Variants in TNPO2 observed in about 807,000 individuals in gnomAD.
The protein encoded by TNPO2 is transportin-2.
A neutral mutation model predicts 111.1 loss-of-function variants in TNPO2; 16 were observed. The observed-to-expected ratio is 0.14, with a 90% confidence interval of 0.10 to 0.22. The LOEUF is 0.22. TNPO2 is among the 10% of genes least tolerant of loss of function. The pLI, the probability that TNPO2 is intolerant of heterozygous loss-of-function variation, is 1.00. For synonymous variants in TNPO2, 481 were observed against 475.8 expected, an observed-to-expected ratio of 1.01 and a Z score of -0.14; for missense variants, 530 against 1,173.7, an observed-to-expected ratio of 0.45 and a Z score of 8.01.
intron 13 of TNPO2, among the ~76,000 whole-genome samples, chr19:12,709,642 GTTTTTTTTTT>G (rs78853226): frequency 7.3e-5 from 9 of 122,916 alleles, no homozygotes; most frequent in South Asian, 2.6e-4. Flanking sequence ...ATTTTATCAG[GTTTTTTTTTT>G]TTTTTTTTTT....
chr19:12,721,577 T>G lies in TNPO2; in HGVS notation c.-13-587A>C, dbSNP rs1235597754. 3.6e-6 allele frequency: 1 copy of G among 278,076 alleles called. No homozygotes were observed. Among genetic ancestry groups the G allele is most frequent in the Non-Finnish European group, 7.1e-6 (1 of 141,346 alleles). The allele number at this position is 278,076 out of a possible 1,614,324, so 17.2% of individuals were successfully genotyped here. A position where few individuals can be genotyped will look rare whatever the true frequency, so the allele number is the denominator to read the frequency against. On this transcript the variant is annotated intron_variant, in intron 2 of 25. Transcript: ENST00000425528. This position sits in a 1 kb window ranked among gnomAD's most constrained non-coding sequence, Gnocchi z 4.9. ...CCTGATCTCTCCTGTCCCCTGTTCC[T>G]GCCCTTCAAGCTCAGTGGATGCCAG...
At position 12,702,931 on chromosome 19, in the gene TNPO2, C is replaced by G. The variant is rs1325510957; in HGVS notation, c.2210-13G>C. 6.2e-7 allele frequency: 1 copy of G among 1,612,738 alleles called. No individual in the cohort carries two copies. The highest frequency in any genetic ancestry group is 8.5e-7 in the Non-Finnish European group (1 of 1,179,020). ...TGCATCTCTGCCCCTGGGGGAGCACCCAGTCAGAGCCCTGCACAGCCCCCG... is the reference window on the plus strand; with the variant it reads ...TGCATCTCTGCCCCTGGGGGAGCACGCAGTCAGAGCCCTGCACAGCCCCCG... On this transcript the variant is annotated splice_polypyrimidine_tract_variant and intron_variant, in intron 20 of 25. Transcript: ENST00000425528. The surrounding 1 kb of genome is among the most constrained non-coding windows in gnomAD (Gnocchi z 5.5).
rs571643667 is a variant in TNPO2 at position 12,700,944 on chromosome 19, G to C, written c.*320C>G. 4.9e-6 allele frequency: 1 copy of C among 204,144 alleles called. No individual in the cohort carries two copies. The highest frequency in any genetic ancestry group is 5.2e-5 in the Admixed American group (1 of 19,070). 12.6% of individuals were successfully genotyped at this position (204,144 alleles called of 1,614,324 possible). ...TCCGAAGCCGGATTCGGTCAGCTGT[G>C]TAATTCCTCCCTCCCACGTAGCTGG... is the stretch of plus-strand genomic sequence containing the variant. On this transcript the variant is annotated 3_prime_UTR_variant, in exon 26 of 26. Coordinates refer to ENST00000425528, the MANE Select transcript of TNPO2 (RefSeq NM_001382241.1).
chr19:12,714,833 G>A lies in TNPO2; in HGVS notation c.878C>T (p.Ser293Phe). ...EQPICKEVLA[S>F]HLVQLIPILV... ...CAGCAGCACTCACTGGACCAGATGG[G>A]AGGCCAGGACTTCCTTGCAGATGGG... Residue 293 changes from serine (S) to phenylalanine (F), a missense_variant, in exon 10 of 26, where the codon TCC becomes TTC. Physicochemically the swap from Ser to Phe is radical, Grantham distance 155. This residue lies in a region of TNPO2 where 156 missense variants were observed against 405.8 expected (regional missense o/e 0.38). Coordinates refer to ENST00000425528, the MANE Select transcript of TNPO2 (RefSeq NM_001382241.1). 6.2e-7 allele frequency: 1 copy of A among 1,613,768 alleles called. No individual in the cohort carries two copies. The highest frequency in any genetic ancestry group is 8.5e-7 in the Non-Finnish European group (1 of 1,179,730).
chr19:12,722,561 TAAAAAAAAAAAAA>T (rs751028490), intron 2 of TNPO2: 1 of 40,908 alleles, frequency 2.4e-5, no homozygotes, highest in Admixed American at 2.9e-4. Flanking sequence ...GAGAGAGAAT[TAAAAAAAAAAAAA>T]AAAAAAAAAA....
At position 12,702,774 on chromosome 19, in the gene TNPO2, C is replaced by A. The variant is rs764322824; in HGVS notation, c.2305+49G>T. The A allele has an allele frequency of 1.9e-6, 3 of 1,566,898 alleles. No individual in the cohort carries two copies. The highest frequency in any genetic ancestry group is 2.6e-6 in the Non-Finnish European group (3 of 1,138,462). The stretch of plus-strand genomic sequence containing the variant: ...TGCCCTTCCCAGCCCAGAACCCCAC[C>A]TCCAGAAGGCAGGCAGGGGTGCAGG... On this transcript the variant is annotated intron_variant, in intron 21 of 25. Transcript: ENST00000425528. The surrounding 1 kb of genome is among the most constrained non-coding windows in gnomAD (Gnocchi z 5.5).
In TNPO2 at chr19:12,701,251, GGGA is replaced by G; in HGVS notation, c.*21-11_*21-9del. ...GACGACGCAGACAGAAACCTGCAGG[GGGA>G]GGAGGAAGGTCATGGCCTGGGACCT... On this transcript the variant is annotated splice_polypyrimidine_tract_variant and intron_variant, in intron 25 of 25. Coordinates refer to ENST00000425528, the MANE Select transcript of TNPO2 (RefSeq NM_001382241.1). This position sits in a 1 kb window ranked among gnomAD's most constrained non-coding sequence, Gnocchi z 5.0. The G allele has an allele frequency of 2.1e-6, 2 of 963,878 alleles. No homozygotes were observed. The highest frequency in any genetic ancestry group is 3.2e-6 in the Non-Finnish European group (2 of 631,010). The allele number at this position is 963,878 out of a possible 1,614,324, so 59.7% of individuals were successfully genotyped here.
chr19:12,709,562 T>TA (rs2025915194), intron 13 of TNPO2, among the ~76,000 whole-genome samples: 1 of 151,944 alleles, frequency 6.6e-6, no homozygotes, highest in Admixed American at 6.6e-5. Context: ...CATGGCTCAC[T>TA]GCAGCCTTGA....
intron 13 of TNPO2, among the ~76,000 whole-genome samples, chr19:12,707,626 C>A (rs973143522): frequency 6.7e-6 from 1 of 150,170 alleles, no homozygotes; most frequent in Admixed American, 6.7e-5. Context: ...GTAGCTGGGA[C>A]TGCAGGCGCC....
At position 12,710,028 on chromosome 19, in the gene TNPO2, C is replaced by T. The variant is rs150890095; in HGVS notation, c.1270+593G>A. 5.1e-4 allele frequency among the ~76,000 whole-genome samples: 78 copies of T among 152,304 alleles called. No homozygotes were observed. The East Asian group carries it at 0.011, about 22-fold the overall frequency. On this transcript the variant is annotated intron_variant, in intron 13 of 25. Transcript: ENST00000425528. Reference sequence around the variant, plus strand: ...AGGCAATGGTATATGATGCCTCCAACGGACTCACAAAGCCCTCCTGTAACA... The same window carrying T: ...AGGCAATGGTATATGATGCCTCCAATGGACTCACAAAGCCCTCCTGTAACA...
At chr19:12,704,616 A>C (rs2025525690) in intron 18 of TNPO2, among the ~76,000 whole-genome samples, 1 of 152,206 alleles carries the variant, frequency 6.6e-6, no homozygotes, top group Admixed American at 6.5e-5. Context: ...TGGGATGTAG[A>C]ACCCACAGAT....
Position 12,706,135 on chromosome 19 carries a change from C to T in TNPO2, c.1668+61G>A. The T allele has an allele frequency of 6.4e-7, 1 of 1,572,196 alleles. No individual in the cohort carries two copies. The highest frequency in any genetic ancestry group is 8.6e-7 in the Non-Finnish European group (1 of 1,158,494). Reference sequence around the variant, plus strand: ...CTGGCGTGCAACACGGGGTTGCCACCAGGTCACTGGATGCCCAGGGGCACG... The same window carrying T: ...CTGGCGTGCAACACGGGGTTGCCACTAGGTCACTGGATGCCCAGGGGCACG... On this transcript the variant is annotated intron_variant, in intron 15 of 25. Coordinates refer to ENST00000425528, the MANE Select transcript of TNPO2 (RefSeq NM_001382241.1). This position sits in a 1 kb window ranked among gnomAD's most constrained non-coding sequence, Gnocchi z 7.0.
At position 12,723,830 on chromosome 19, in the gene TNPO2, A is replaced by G. The variant is rs573419072; in HGVS notation, c.-192T>C. On this transcript the variant is annotated 5_prime_UTR_variant, in exon 1 of 26. Transcript: ENST00000425528. ...CATGAAAATCAAGTCCCGGGCCTCC[A>G]AGGTTAGGGAAGTGTCGGCAGGCGC... 2 of 152,278 alleles carry G rather than the reference A, an allele frequency of 1.3e-5. No homozygotes were observed. The highest frequency in any genetic ancestry group is 4.8e-5 in the African/African-American group (2 of 41,552). The allele number at this position is 152,278 out of a possible 1,614,324, so 9.4% of individuals were successfully genotyped here.
chr19:12,719,799 G>GAAA lies in TNPO2; in HGVS notation c.100-466_100-464dup, dbSNP rs568805777. Among the ~76,000 whole-genome samples the GAAA allele has an allele frequency of 0.024, 3,429 of 141,548 alleles. 136 individuals are homozygous for GAAA. The highest frequency in any genetic ancestry group is 0.083 in the African/African-American group (3,201 of 38,722). The allele number at this position is 141,548 out of a possible 152,430, so 92.9% of individuals were successfully genotyped here. On this transcript the variant is annotated intron_variant, in intron 3 of 25. Transcript: ENST00000425528. This position sits in a 1 kb window ranked among gnomAD's most constrained non-coding sequence, Gnocchi z 5.0. ...GGGCGACAGAGCAAGACTCCATCTT[G>GAAA]AAAAAAAAAAAAATCATACAAGGAG...
Position 12,715,032 on chromosome 19 carries a change from C to G in TNPO2, c.771+15G>C. 6 of 1,572,538 alleles carry G rather than the reference C, an allele frequency of 3.8e-6. No individual in the cohort carries two copies. The highest frequency in any genetic ancestry group is 5.2e-6 in the Non-Finnish European group (6 of 1,159,530). On this transcript the variant is annotated intron_variant, in intron 9 of 25. Coordinates refer to ENST00000425528, the MANE Select transcript of TNPO2 (RefSeq NM_001382241.1). This position sits in a 1 kb window ranked among gnomAD's most constrained non-coding sequence, Gnocchi z 7.1. Reference sequence around the variant, plus strand: ...CCCCTGCCTGCCCGCCTGGGCTGGCCTTGACCATGCACACCTGGATGATGC... The same window carrying G: ...CCCCTGCCTGCCCGCCTGGGCTGGCGTTGACCATGCACACCTGGATGATGC...
At chr19:12,710,531 A>G in intron 13 of TNPO2, 90 bp downstream of exon 13, 2 of 1,445,938 alleles carry the variant, frequency 1.4e-6, no homozygotes, top group Non-Finnish European at 1.9e-6. Flanking sequence ...GTAGGCCTCC[A>G]GGGAGAACTG....
rs894884799 is a variant in TNPO2, at chr19:12,721,523, C to A, written c.-13-533G>T. On this transcript the variant is annotated intron_variant, in intron 2 of 25. Transcript: ENST00000425528. This position sits in a 1 kb window ranked among gnomAD's most constrained non-coding sequence, Gnocchi z 4.9. ...CTGCCCTAGTCCAATTTCTGAGCTTCCCCAGATGCGCCCTCCCAAGACGAT... is the reference window on the plus strand; with the variant it reads ...CTGCCCTAGTCCAATTTCTGAGCTTACCCAGATGCGCCCTCCCAAGACGAT... 1 of 361,564 alleles carries A rather than the reference C, an allele frequency of 2.8e-6. No individual in the cohort carries two copies. The highest frequency in any genetic ancestry group is 5.3e-6 in the Non-Finnish European group (1 of 188,240). The allele number at this position is 361,564 out of a possible 1,614,324, so 22.4% of individuals were successfully genotyped here.
rs769137151 is a variant in TNPO2 at position 12,715,431 on chromosome 19, G to A, written c.540C>T (p.Phe180=). ...GGATCTTGGGACTGCAGTGCTTGAAGAACTGCAGGAACTTGGGGATCATGA... is the reference window on the plus strand; with the variant it reads ...GGATCTTGGGACTGCAGTGCTTGAAAAACTGCAGGAACTTGGGGATCATGA... ...LNIMIPKFLQ[F]FKHCSPKIRS... The change falls in exon 7 of 26, where the codon TTC becomes TTT. Residue 180 remains phenylalanine, a synonymous_variant. Coordinates refer to ENST00000425528, the MANE Select transcript of TNPO2 (RefSeq NM_001382241.1). The surrounding 1 kb of genome is among the most constrained non-coding windows in gnomAD (Gnocchi z 7.1). 7 of 1,613,930 alleles carry A rather than the reference G, an allele frequency of 4.3e-6. No homozygotes were observed. The South Asian group carries it at 7.7e-5, about 18-fold the overall frequency.
Position 12,702,851 on chromosome 19 carries a change from G to C in TNPO2, c.2277C>G (p.Asn759Lys). Residue 759 changes from asparagine to lysine, a missense_variant, in exon 21 of 26, where the codon AAC becomes AAG. By Grantham distance (94) the Asn-to-Lys change is moderately conservative. Transcript: ENST00000425528. This position sits in a 1 kb window ranked among gnomAD's most constrained non-coding sequence, Gnocchi z 5.5. The stretch of plus-strand genomic sequence containing the variant: ...TGTTTTCCAGCAGTGTCTTGGGTGT[G>C]TTGGGTCGGTTAATGATTTCCACCA... ...NNLVEIINRP[N>K]TPKTLLENTG... The C allele has an allele frequency of 6.2e-7, 1 of 1,613,934 alleles. No homozygotes were observed. Among genetic ancestry groups the C allele is most frequent in the African/African-American group, 1.3e-5 (1 of 75,034 alleles).
Sources: allele counts gnomAD v4.1 joint callset (sites outside exome capture counted in the v4.1 genomes callset), GRCh38; gene constraint gnomAD v4.1.1; regional missense constraint gnomAD v4.1.1; non-coding constraint Gnocchi (gnomAD v3.1); transcripts MANE v1.5; gene names NCBI Gene and HGNC (gene_info 2026-07-23, HGNC 2026-07-21).